Variants in ERBB4 observed in about 807,000 individuals in gnomAD.
The protein encoded by ERBB4 is receptor tyrosine-protein kinase erbB-4.
A neutral mutation model predicts 158.0 loss-of-function variants in ERBB4; 42 were observed. The ratio of observed to expected loss-of-function variants is 0.27; its 90% CI spans 0.21 to 0.34. The LOEUF is 0.34. ERBB4 is among the 10% of genes least tolerant of loss of function. ERBB4 has a pLI of 1.00. For missense variants in ERBB4, 1,333 were observed against 1,624.1 expected (o/e 0.82, Z 3.08); for synonymous variants, 583 against 558.7 (o/e 1.04, Z -0.61).
intron 1 of ERBB4, among the ~76,000 whole-genome samples, chr2:212,223,615 C>T (rs898524553): frequency 1.3e-5 from 2 of 151,250 alleles, no homozygotes; most frequent in Non-Finnish European, 3.0e-5. Context: ...TTTGGAAAGC[C>T]ACTGTGACTC....
intron 1 of ERBB4, among the ~76,000 whole-genome samples, chr2:212,287,722 A>G (rs982519619): frequency 1.1e-4 from 16 of 152,212 alleles, no homozygotes; most frequent in African/African-American, 3.6e-4. Context: ...AGACTGCCTA[A>G]GAATTAGGCC....
chr2:212,140,234 T>A (rs2080407558), intron 1 of ERBB4, among the ~76,000 whole-genome samples: 1 of 151,090 alleles, frequency 6.6e-6, no homozygotes, highest in African/African-American at 2.4e-5. Flanking sequence ...AAAGATACTT[T>A]TTAAGAATAT....
At chr2:212,372,100 GT>G (rs2090108473) in intron 1 of ERBB4, among the ~76,000 whole-genome samples, 1 of 152,076 alleles carries the variant, frequency 6.6e-6, no homozygotes, top group Non-Finnish European at 1.5e-5. Flanking sequence ...AATAGGCCAA[GT>G]TTGAACTAAG....
intron 2 of ERBB4, among the ~76,000 whole-genome samples, chr2:211,989,316 T>G (rs2082013111): frequency 6.6e-6 from 1 of 152,016 alleles, no homozygotes; most frequent in African/African-American, 2.4e-5. Flanking sequence ...TATTTTCTCC[T>G]TCTTGACTTT....
At chr2:212,418,578 G>A (rs1264423173) in intron 1 of ERBB4, among the ~76,000 whole-genome samples, 4 of 150,692 alleles carry the variant, frequency 2.7e-5, no homozygotes, top group Non-Finnish European at 4.4e-5. Context: ...AAAATAAAAT[G>A]CTTTAGTTCC....
Position 211,630,450 on chromosome 2 carries a change from G to T in ERBB4, c.2079+12C>A, listed in dbSNP as rs761855641. On this transcript the variant is annotated intron_variant, in intron 17 of 27. Coordinates refer to ENST00000342788, the MANE Select transcript of ERBB4 (RefSeq NM_005235.3). ...TCCCCAAACACATGAAGAGGAGAAAGAAATACCTCACCTCTGTTTCCAAGA... is the reference window on the plus strand; with the variant it reads ...TCCCCAAACACATGAAGAGGAGAAATAAATACCTCACCTCTGTTTCCAAGA... The T allele has an allele frequency of 1.2e-6, 2 of 1,612,868 alleles. No individual in the cohort carries two copies. The highest frequency in any genetic ancestry group is 1.3e-5 in the African/African-American group (1 of 75,000).
intron 1 of ERBB4, among the ~76,000 whole-genome samples, chr2:212,347,006 G>A (rs1049076162): frequency 3.9e-5 from 6 of 152,028 alleles, no homozygotes; most frequent in African/African-American, 1.4e-4. Flanking sequence ...GCTTGTCTTT[G>A]GAGTTGGCAG....
intron 2 of ERBB4, among the ~76,000 whole-genome samples, chr2:212,091,673 T>C (rs2078781702): frequency 6.6e-6 from 1 of 152,154 alleles, no homozygotes; most frequent in Non-Finnish European, 1.5e-5. Context: ...ATCCAATCTA[T>C]TTGTATATGT....
chr2:211,560,142 C>T lies in ERBB4; in HGVS notation c.2487+1761G>A, dbSNP rs147725239. Among the ~76,000 whole-genome samples, 832 of 151,262 alleles carry T rather than the reference C, an allele frequency of 5.5e-3. 4 individuals carry two copies. Among genetic ancestry groups the T allele is most frequent in the Non-Finnish European group, 8.3e-3 (564 of 67,954 alleles). ...ATTCAGGAAACTCAAAGTAGTTTCT[C>T]TTATTAGAGTGTACAATGTCATATA... On this transcript the variant is annotated intron_variant, in intron 20 of 27. Coordinates refer to ENST00000342788, the MANE Select transcript of ERBB4 (RefSeq NM_005235.3).
rs541491194 is a variant in ERBB4, at chr2:211,406,967, C to A, written c.3135+13474G>T. ...TGATGGTGCATGCCTGCAGTTCCAGCTACTCAGGAGGCTGAGGTAAGAGGA... is the reference window on the plus strand; with the variant it reads ...TGATGGTGCATGCCTGCAGTTCCAGATACTCAGGAGGCTGAGGTAAGAGGA... On this transcript the variant is annotated intron_variant, in intron 25 of 27. Coordinates refer to ENST00000342788, the MANE Select transcript of ERBB4 (RefSeq NM_005235.3). Among the ~76,000 whole-genome samples the A allele has an allele frequency of 7.2e-5, 11 of 152,110 alleles. No individual in the cohort carries two copies. The South Asian group carries it at 2.3e-3, about 32-fold the overall frequency.
At chr2:212,095,120 T>C (rs1045577170) in intron 2 of ERBB4, among the ~76,000 whole-genome samples, 2 of 152,170 alleles carry the variant, frequency 1.3e-5, no homozygotes, top group African/African-American at 4.8e-5. Flanking sequence ...GATTGCTAGA[T>C]TGTAAGAATT....
intron 25 of ERBB4, among the ~76,000 whole-genome samples, chr2:211,412,177 CAT>C (rs1425063322): frequency 6.6e-6 from 1 of 151,818 alleles, no homozygotes; most frequent in Non-Finnish European, 1.5e-5. Flanking sequence ...GCCATCCTAA[CAT>C]TGACAGAAAA....
At chr2:212,312,229 T>C (rs2087077970) in intron 1 of ERBB4, among the ~76,000 whole-genome samples, 2 of 151,172 alleles carry the variant, frequency 1.3e-5, no homozygotes, top group Admixed American at 6.6e-5. Flanking sequence ...CCCTGTTTAT[T>C]TGGTGAAACT....
At chr2:211,581,534 T>C (rs1304542794) in intron 19 of ERBB4, among the ~76,000 whole-genome samples, 1 of 151,944 alleles carries the variant, frequency 6.6e-6, no homozygotes. Context: ...GATTTAAAAC[T>C]TTTTTTTGTT....
At chr2:212,442,105 C>T (rs1237023437) in intron 1 of ERBB4, among the ~76,000 whole-genome samples, 1 of 152,146 alleles carries the variant, frequency 6.6e-6, no homozygotes, top group African/African-American at 2.4e-5. Context: ...GACAAAGCAG[C>T]AATAAGAATA....
chr2:211,576,390 A>G (rs1358645697), intron 19 of ERBB4, among the ~76,000 whole-genome samples: 1 of 152,222 alleles, frequency 6.6e-6, no homozygotes, highest in Non-Finnish European at 1.5e-5. Flanking sequence ...CCAATACTTT[A>G]GAAATGGCAT....
intron 2 of ERBB4, among the ~76,000 whole-genome samples, chr2:211,991,101 C>A (rs1054361720): frequency 6.6e-6 from 1 of 151,932 alleles, no homozygotes; most frequent in African/African-American, 2.4e-5. Flanking sequence ...CTATAGCTGA[C>A]ATAGTAGGGC....
At chr2:212,046,299 G>A (rs2077260545) in intron 2 of ERBB4, among the ~76,000 whole-genome samples, 1 of 152,182 alleles carries the variant, frequency 6.6e-6, no homozygotes, top group African/African-American at 2.4e-5. Flanking sequence ...TTACAGATGA[G>A]GGACCTAGGC....
intron 1 of ERBB4, among the ~76,000 whole-genome samples, chr2:212,418,083 A>G (rs2091701242): frequency 6.6e-6 from 1 of 151,968 alleles, no homozygotes; most frequent in Non-Finnish European, 1.5e-5. Context: ...ATCTATTAAC[A>G]TCTTGGTCTT....
Sources: allele counts gnomAD v4.1 joint callset (sites outside exome capture counted in the v4.1 genomes callset), GRCh38; gene constraint gnomAD v4.1.1; transcripts MANE v1.5; gene names NCBI Gene and HGNC (gene_info 2026-07-23, HGNC 2026-07-21).